THSD7B: variants seen among roughly 807,000 people sequenced by gnomAD.
THSD7B encodes the protein thrombospondin type-1 domain-containing protein 7B.
A neutral mutation model predicts 213.6 loss-of-function variants in THSD7B; 138 were observed. The observed-to-expected ratio is 0.65, with a 90% confidence interval of 0.56 to 0.74. The LOEUF is 0.74. Among genes scored for constraint, THSD7B ranks in the 30% least tolerant of loss-of-function variants. The pLI, the probability that THSD7B is intolerant of heterozygous loss-of-function variation, is 0.00. For missense variants in THSD7B, 1,931 were observed against 1,991.5 expected, an observed-to-expected ratio of 0.97 and a Z score of 0.58; for synonymous variants, 742 against 687.0, an observed-to-expected ratio of 1.08 and a Z score of -1.25.
At chr2:136,910,339 T>C (rs774012302) in intron 2 of THSD7B, among the ~76,000 whole-genome samples, 1 of 152,148 alleles carries the variant, frequency 6.6e-6, no homozygotes, top group Non-Finnish European at 1.5e-5. Context: ...AGTGGCATAC[T>C]GGGTAGTGGA....
At chr2:137,427,419 T>G (rs931651561) in intron 14 of THSD7B, among the ~76,000 whole-genome samples, 8 of 152,008 alleles carry the variant, frequency 5.3e-5, no homozygotes, top group Non-Finnish European at 1.0e-4. Context: ...TGTTGACAGA[T>G]GAATGGATAC....
chr2:137,648,777 G>C (rs543356891), intron 21 of THSD7B, among the ~76,000 whole-genome samples: 1 of 152,122 alleles, frequency 6.6e-6, no homozygotes, highest in South Asian at 2.1e-4. Flanking sequence ...GTTTATGTGT[G>C]TGTGTATTCA....
chr2:137,029,638 C>T (rs143844397), intron 2 of THSD7B, among the ~76,000 whole-genome samples: 8 of 152,138 alleles, frequency 5.3e-5, no homozygotes, highest in African/African-American at 1.9e-4. Context: ...TAGAATATCC[C>T]AATATGTATT....
intron 1 of THSD7B, among the ~76,000 whole-genome samples, chr2:136,844,462 CAGAGAGAGAG>C (rs56716402): frequency 7.0e-6 from 1 of 142,516 alleles, no homozygotes; most frequent in African/African-American, 2.6e-5. Flanking sequence ...CCACCCAAAA[CAGAGAGAGAG>C]AGAGAGAGAG....
intron 2 of THSD7B, among the ~76,000 whole-genome samples, chr2:136,957,685 A>G (rs555620736): frequency 6.6e-6 from 1 of 152,270 alleles, no homozygotes; most frequent in Admixed American, 6.5e-5. Context: ...GTAGTATTAT[A>G]TTTTGTCACA....
intron 2 of THSD7B, among the ~76,000 whole-genome samples, chr2:136,895,408 G>A (rs947831406): frequency 6.6e-6 from 1 of 150,954 alleles, no homozygotes; most frequent in Admixed American, 6.6e-5. Context: ...CTCCACAGAG[G>A]ATCTCATTAA....
intron 2 of THSD7B, among the ~76,000 whole-genome samples, chr2:136,971,736 A>G (rs1427157901): frequency 1.3e-5 from 2 of 151,748 alleles, no homozygotes; most frequent in East Asian, 1.9e-4. Flanking sequence ...GGACAATGGA[A>G]AAAGGAACTG....
chr2:137,235,568 C>T (rs967941541), intron 9 of THSD7B, among the ~76,000 whole-genome samples: 1 of 152,034 alleles, frequency 6.6e-6, no homozygotes, highest in Admixed American at 6.6e-5. Context: ...CTTCTTGTAT[C>T]GTCATTATTA....
At chr2:137,173,056 G>A (rs750569057) in intron 7 of THSD7B, among the ~76,000 whole-genome samples, 14 of 152,008 alleles carry the variant, frequency 9.2e-5, no homozygotes, top group Non-Finnish European at 1.9e-4. Flanking sequence ...CTGCCAAGTG[G>A]GGTAATAAAA....
intron 14 of THSD7B, among the ~76,000 whole-genome samples, chr2:137,413,509 C>T (rs1052870373): frequency 2.6e-5 from 4 of 152,168 alleles, no homozygotes; most frequent in African/African-American, 9.7e-5. Flanking sequence ...TTAGGGAAGC[C>T]TTCACTGAAG....
intron 15 of THSD7B, among the ~76,000 whole-genome samples, chr2:137,549,957 G>A (rs998869202): frequency 2.0e-5 from 3 of 151,944 alleles, no homozygotes; most frequent in Non-Finnish European, 4.4e-5. Context: ...ACTACAATCT[G>A]TTCTATGAAA....
intron 7 of THSD7B, among the ~76,000 whole-genome samples, chr2:137,193,890 C>T (rs1323598930): frequency 6.6e-6 from 1 of 151,030 alleles, no homozygotes; most frequent in African/African-American, 2.4e-5. Context: ...TCTCCTGACT[C>T]TGGACTTTCT....
At chr2:137,344,985 C>A (rs1558764834) in intron 12 of THSD7B, among the ~76,000 whole-genome samples, 1 of 151,564 alleles carries the variant, frequency 6.6e-6, no homozygotes, top group Admixed American at 6.6e-5. Flanking sequence ...GAGAGTGACT[C>A]TAGAATCTTC....
chr2:137,120,909 T>G (rs1688535041), intron 5 of THSD7B, among the ~76,000 whole-genome samples: 1 of 152,210 alleles, frequency 6.6e-6, no homozygotes, highest in Non-Finnish European at 1.5e-5. Context: ...ATAGACTTTA[T>G]AAGCCATATA....
At chr2:137,518,463 G>A (rs935101319) in intron 15 of THSD7B, among the ~76,000 whole-genome samples, 1 of 152,204 alleles carries the variant, frequency 6.6e-6, no homozygotes, top group African/African-American at 2.4e-5. Context: ...GGTTTGGCCG[G>A]TTGGTCAGGG....
At chr2:136,835,933 G>A (rs1422712628) in intron 1 of THSD7B, among the ~76,000 whole-genome samples, 1 of 152,072 alleles carries the variant, frequency 6.6e-6, no homozygotes, top group East Asian at 1.9e-4. Flanking sequence ...TTGCTTTCGG[G>A]GAAGAAATTA....
At position 136,907,397 on chromosome 2, in the gene THSD7B, G is replaced by A. The variant is rs867308257; in HGVS notation, c.139+25080G>A. Among the ~76,000 whole-genome samples the A allele has an allele frequency of 3.9e-5, 6 of 152,120 alleles. No individual in the cohort carries two copies. The South Asian group carries it at 1.0e-3, about 26-fold the overall frequency. ...ATTTATTTTCTAAATCAATTACAAA[G>A]GTAGAAATATTGTTTTAAAAATGTA... On this transcript the variant is annotated intron_variant, in intron 2 of 27. Coordinates refer to ENST00000409968, the MANE Select transcript of THSD7B (RefSeq NM_001316349.2).
At chr2:137,636,270 G>A (rs184180339) in intron 20 of THSD7B, among the ~76,000 whole-genome samples, 43 of 128,954 alleles carry the variant, frequency 3.3e-4, no homozygotes, top group African/African-American at 9.6e-4. Context: ...TAAATTAAAC[G>A]TGTGTCCACT....
At chr2:136,789,293 A>G (rs187900127) in intron 1 of THSD7B, among the ~76,000 whole-genome samples, 1 of 152,168 alleles carries the variant, frequency 6.6e-6, no homozygotes. Context: ...TCCCAATCCT[A>G]AAGAGCTGAT....
Sources: allele counts gnomAD v4.1 joint callset (sites outside exome capture counted in the v4.1 genomes callset), GRCh38; gene constraint gnomAD v4.1.1; transcripts MANE v1.5; gene names NCBI Gene and HGNC (gene_info 2026-07-23, HGNC 2026-07-21).